AOPEP: variants seen among roughly 807,000 people sequenced by gnomAD.
AOPEP encodes aminopeptidase O.
A neutral mutation model predicts 98.1 loss-of-function variants in AOPEP; 77 were observed. The ratio of observed to expected loss-of-function variants is 0.78; its 90% CI spans 0.65 to 0.95. The LOEUF is 0.95. Ranked by LOEUF, AOPEP falls within the 40% of genes least tolerant of loss-of-function variation. The pLI is 0.00. For synonymous variants in AOPEP, 346 were observed against 365.3 expected, an observed-to-expected ratio of 0.95 and a Z score of 0.60; for missense variants, 1,024 against 1,024.7, an observed-to-expected ratio of 1.00 and a Z score of 0.01.
intron 8 of AOPEP, 94 bp from the exon 9 acceptor site, chr9:94,955,814 A>C: frequency 1.4e-5 from 10 of 736,624 alleles, no homozygotes; most frequent in Non-Finnish European, 2.0e-5. Context: ...TAGATGCACA[A>C]GTGCACTATG....
Position 95,085,527 on chromosome 9 carries a change from C to T in AOPEP, c.*5-1155C>T, listed in dbSNP as rs757195902. 5.8e-6 allele frequency: 3 copies of T among 518,626 alleles called. No homozygotes were observed. In the African/African-American group the frequency reaches 5.8e-5, roughly 10 times the overall value. 32.1% of individuals were successfully genotyped at this position (518,626 alleles called of 1,614,324 possible). Reference sequence around the variant, plus strand: ...TTGTTCACAGTGGCTAAGTTCTGCACCTGAAGAGAAGGTGAGATGGGGACA... The same window carrying T: ...TTGTTCACAGTGGCTAAGTTCTGCATCTGAAGAGAAGGTGAGATGGGGACA... On this transcript the variant is annotated intron_variant, in intron 16 of 16. Coordinates refer to ENST00000375315, the MANE Select transcript of AOPEP (RefSeq NM_001193329.3).
chr9:95,094,760 G>A, the AOPEP span, among the ~76,000 whole-genome samples: 157 of 152,274 alleles, frequency 1.0e-3, no homozygotes, highest in African/African-American at 3.7e-3. Context: ...CTGCCTCCTG[G>A]GTTCAAGCAA....
the AOPEP span, chr9:95,117,177 G>T: frequency 1.3e-6 from 1 of 777,136 alleles, no homozygotes; most frequent in Non-Finnish European, 2.2e-6. Flanking sequence ...GTGGGATCCT[G>T]GGGGCTTAAA....
At chr9:94,746,984 A>AT (rs1218708340) in intron 1 of AOPEP, among the ~76,000 whole-genome samples, 1 of 151,102 alleles carries the variant, frequency 6.6e-6, no homozygotes, top group Non-Finnish European at 1.5e-5. Context: ...GCCTTACTGC[A>AT]TTGATCTTCA....
intron 11 of AOPEP, among the ~76,000 whole-genome samples, chr9:94,996,117 C>T (rs2061211407): frequency 6.6e-6 from 1 of 152,072 alleles, no homozygotes; most frequent in Non-Finnish European, 1.5e-5. Flanking sequence ...CACAGCTCGG[C>T]CTGTGTAGCA....
At chr9:95,019,867 G>A (rs749386580) in intron 13 of AOPEP, 2 of 152,230 alleles carry the variant, frequency 1.3e-5, no homozygotes, top group African/African-American at 4.8e-5. Context: ...ACCCAAGCAC[G>A]TGGAGGAGTG....
chr9:94,948,499 G>GC (rs1352571906), intron 7 of AOPEP, among the ~76,000 whole-genome samples: 8 of 151,394 alleles, frequency 5.3e-5, no homozygotes, highest in Non-Finnish European at 7.4e-5. Context: ...ATTTTGCCCC[G>GC]CCCCCCATCT....
chr9:94,828,918 G>T (rs1167309954), intron 5 of AOPEP, among the ~76,000 whole-genome samples: 3 of 151,042 alleles, frequency 2.0e-5, no homozygotes, highest in Non-Finnish European at 4.4e-5. Context: ...GTCCAGGCTG[G>T]AGTGCAGTGG....
At chr9:94,796,415 C>CT (rs1846945965) in intron 4 of AOPEP, among the ~76,000 whole-genome samples, 1 of 152,216 alleles carries the variant, frequency 6.6e-6, no homozygotes, top group Non-Finnish European at 1.5e-5. Flanking sequence ...CATTACATGT[C>CT]TGACTGCATG....
intron 5 of AOPEP, chr9:94,900,692 T>C (rs1253532001): frequency 1.3e-5 from 2 of 152,218 alleles, no homozygotes; most frequent in East Asian, 3.9e-4. Context: ...GAAACATTTT[T>C]CTCTGCATGT....
At chr9:95,101,234 AG>A in the AOPEP span, 2 of 281,304 alleles carry the variant, frequency 7.1e-6, no homozygotes, top group African/African-American at 4.3e-5. Context: ...TTCTCCATAC[AG>A]CAAGACAGTG....
intron 5 of AOPEP, among the ~76,000 whole-genome samples, chr9:94,828,485 A>G (rs1855161439): frequency 6.6e-6 from 1 of 152,182 alleles, no homozygotes; most frequent in South Asian, 2.1e-4. Flanking sequence ...TATTATGTAC[A>G]TATTAAATGC....
At chr9:95,013,725 T>C (rs1184234862) in intron 13 of AOPEP, among the ~76,000 whole-genome samples, 1 of 152,240 alleles carries the variant, frequency 6.6e-6, no homozygotes, top group South Asian at 2.1e-4. Flanking sequence ...AAGTTTGTGC[T>C]GTTTATACCT....
intron 9 of AOPEP, among the ~76,000 whole-genome samples, chr9:94,967,418 G>A (rs1224177753): frequency 1.3e-5 from 2 of 152,218 alleles, no homozygotes. Flanking sequence ...TTCAGGAATT[G>A]GAGGCGATGG....
intron 16 of AOPEP, chr9:95,085,129 AC>A (rs2070455190): frequency 4.8e-6 from 2 of 416,452 alleles, no homozygotes; most frequent in Admixed American, 2.8e-5. Context: ...TGCTAGCATA[AC>A]AGGCGTGAAG....
intron 13 of AOPEP, among the ~76,000 whole-genome samples, chr9:95,043,580 A>G (rs1377325228): frequency 1.3e-5 from 2 of 152,222 alleles, no homozygotes; most frequent in African/African-American, 4.8e-5. Context: ...AACATAGGAA[A>G]ACTTCCAGTT....
intron 7 of AOPEP, among the ~76,000 whole-genome samples, chr9:94,929,326 C>T (rs2054906848): frequency 6.6e-6 from 1 of 152,254 alleles, no homozygotes; most frequent in South Asian, 2.1e-4. Flanking sequence ...TCTACTTTCC[C>T]AGGCAGAGGC....
At chr9:94,727,431 C>G (rs573053001) in intron 1 of AOPEP, among the ~76,000 whole-genome samples, 1 of 152,282 alleles carries the variant, frequency 6.6e-6, no homozygotes, top group South Asian at 2.1e-4. Context: ...TACCTGATTT[C>G]TTTTTGGTTT....
intron 5 of AOPEP, chr9:94,904,443 C>G (rs541363434): frequency 6.6e-6 from 1 of 152,286 alleles, no homozygotes; most frequent in African/African-American, 2.4e-5. Context: ...CTCTGAATCT[C>G]GGCATCTGTG....
Sources: gnomAD v4.1 joint callset for allele counts (sites outside exome capture counted in the v4.1 genomes callset) on GRCh38, gnomAD v4.1.1 for gene constraint, MANE v1.5 for transcripts, NCBI Gene and HGNC (gene_info 2026-07-23, HGNC 2026-07-21) for gene names.